The following BICDL1 variants were observed in gnomAD, a reference collection of about 807,000 sequenced individuals.
BICDL1 encodes BICD family like cargo adaptor 1, also known as BICD family-like cargo adapter 1.
BICDL1 carries 20 observed loss-of-function variants against 76.8 expected under a neutral mutation model. The observed-to-expected ratio is 0.26, with a 90% CI of 0.18 to 0.38. The LOEUF (loss-of-function observed/expected upper bound fraction) is 0.38, where lower values mean the gene tolerates loss of function less well. Among genes scored for constraint, BICDL1 ranks in the 10% least tolerant of loss-of-function variants. BICDL1 has a pLI of 1.00. For synonymous variants in BICDL1, 383 were observed against 337.1 expected, an observed-to-expected ratio of 1.14 and a Z score of -1.49; for missense variants, 700 against 798.6, an observed-to-expected ratio of 0.88 and a Z score of 1.49.
Position 119,990,240 on chromosome 12 carries a change from C to T in BICDL1, c.372C>T (p.Asn124=), listed in dbSNP as rs1951488745. 1.9e-6 allele frequency: 3 copies of T among 1,577,678 alleles called. No individual in the cohort carries two copies. The highest frequency in any genetic ancestry group is 1.4e-5 in the African/African-American group (1 of 74,066). ...ARLGKALLER[N]QDMSRQYEQM... ...TGGGTAAGGCGCTGCTCGAGAGGAACCAGGACATGAGCCGGCAGTACGAGC... is the reference window on the plus strand; with the variant it reads ...TGGGTAAGGCGCTGCTCGAGAGGAATCAGGACATGAGCCGGCAGTACGAGC... The change falls in exon 1 of 10, where the codon AAC becomes AAT. Residue 124 remains asparagine, a synonymous_variant. Coordinates refer to ENST00000548673, the MANE Select transcript of BICDL1 (RefSeq NM_001367886.1).
At chr12:120,033,575 G>T (rs947993353) in intron 2 of BICDL1, among the ~76,000 whole-genome samples, 1 of 151,636 alleles carries the variant, frequency 6.6e-6, no homozygotes, top group East Asian at 1.9e-4. Flanking sequence ...TAGAGACAGG[G>T]TTTCACCGTG....
chr12:120,010,544 A>G (rs1054105190), intron 2 of BICDL1, among the ~76,000 whole-genome samples: 1 of 152,206 alleles, frequency 6.6e-6, no homozygotes, highest in Non-Finnish European at 1.5e-5. Context: ...ATTGGTTTCA[A>G]TCAGCGGTTC....
Position 119,990,111 on chromosome 12 carries a change from G to T in BICDL1, c.243G>T (p.Gly81=), listed in dbSNP as rs1046134059. The change falls in exon 1 of 10, where the codon GGG becomes GGT. Residue 81 remains glycine (G), a synonymous_variant. Transcript: ENST00000548673. ...GGGAACACCCTCAGGCCGAGCCTGG[G>T]TCTCTGGCCGAGGGGGCCGGACCGC... The part of the protein sequence containing the change: ...DPGEHPQAEP[G]SLAEGAGPQP... 2 of 1,549,584 alleles carry T rather than the reference G, an allele frequency of 1.3e-6. No individual in the cohort carries two copies. Among genetic ancestry groups the T allele is most frequent in the Admixed American group, 3.9e-5 (2 of 50,924 alleles).
chr12:120,064,585 A>G (rs1193376052), intron 3 of BICDL1, 148 bp from the exon 4 acceptor site: 1 of 692,174 alleles, frequency 1.4e-6, no homozygotes. Flanking sequence ...TTAGGGTTTC[A>G]TAGCTATTCT....
chr12:120,061,678 C>T (rs1264670109), intron 2 of BICDL1, 32 bp from the exon 3 acceptor site: 8 of 1,455,798 alleles, frequency 5.5e-6, no homozygotes, highest in South Asian at 1.1e-5. Context: ...GCATAACCTC[C>T]GAATCAGCTC....
At chr12:120,028,703 A>G (rs12310591) in intron 2 of BICDL1, among the ~76,000 whole-genome samples, 32 of 151,804 alleles carry the variant, frequency 2.1e-4, no homozygotes, top group Non-Finnish European at 3.2e-4. Flanking sequence ...AGATAAAAAG[A>G]TATTGAAAAT....
chr12:120,064,167 C>CT (rs1462525568), intron 3 of BICDL1, among the ~76,000 whole-genome samples: 2 of 152,172 alleles, frequency 1.3e-5, no homozygotes, highest in Non-Finnish European at 2.9e-5. Flanking sequence ...GCAGGCACTA[C>CT]TTTGTTTTCT....
At chr12:119,995,995 A>G (rs542522676) in intron 1 of BICDL1, among the ~76,000 whole-genome samples, 69 of 152,244 alleles carry the variant, frequency 4.5e-4, no homozygotes, top group Non-Finnish European at 8.5e-4. Context: ...CAAAAAAAAA[A>G]AAAAAATTCT....
At chr12:120,042,736 C>T (rs772525591) in intron 2 of BICDL1, among the ~76,000 whole-genome samples, 3 of 150,088 alleles carry the variant, frequency 2.0e-5, no homozygotes, top group Non-Finnish European at 3.0e-5. Flanking sequence ...ACCCGGGAGG[C>T]GAAGGTTGCA....
Position 120,080,721 on chromosome 12 carries a change from A to G in BICDL1, c.1453-166A>G, listed in dbSNP as rs146465793. 8.6e-5 allele frequency: 52 copies of G among 601,956 alleles called. 1 individual carries two copies. In the African/African-American group the frequency reaches 9.2e-4, roughly 11 times the overall value. 37.3% of individuals were successfully genotyped at this position (601,956 alleles called of 1,614,324 possible). On this transcript the variant is annotated intron_variant, in intron 7 of 9. Coordinates refer to ENST00000548673, the MANE Select transcript of BICDL1 (RefSeq NM_001367886.1). ...CATGTGATGTGGTACCCTTTCTTCA[A>G]GAGAGACAGGCCCTCTCTTGAAGCA... is the stretch of plus-strand genomic sequence containing the variant.
intron 3 of BICDL1, 34 bp from the exon 4 acceptor site, chr12:120,064,699 T>A: frequency 6.3e-7 from 1 of 1,575,464 alleles, no homozygotes; most frequent in Non-Finnish European, 8.6e-7. Flanking sequence ...CGGGTGTAAC[T>A]CCACACCACC....
intron 6 of BICDL1, 134 bp downstream of exon 6, chr12:120,072,863 T>C: frequency 2.6e-6 from 2 of 779,030 alleles, no homozygotes; most frequent in Non-Finnish European, 4.1e-6. Flanking sequence ...TCTGAGCCCT[T>C]ATTGGTTGTT....
intron 2 of BICDL1, among the ~76,000 whole-genome samples, chr12:120,060,396 T>C (rs1953078711): frequency 6.6e-6 from 1 of 152,192 alleles, no homozygotes; most frequent in African/African-American, 2.4e-5. Context: ...ATTCCTTGCA[T>C]CATAAAGCCA....
chr12:120,016,663 G>A (rs763029041), intron 2 of BICDL1, among the ~76,000 whole-genome samples: 6 of 151,780 alleles, frequency 4.0e-5, no homozygotes, highest in Non-Finnish European at 4.4e-5. Context: ...CAAGCAGTTT[G>A]TCCATCTTAG....
chr12:120,088,961 G>A (rs1283968489), intron 8 of BICDL1, among the ~76,000 whole-genome samples: 2 of 152,228 alleles, frequency 1.3e-5, no homozygotes, highest in Admixed American at 1.3e-4. Flanking sequence ...ACCGCACCCG[G>A]CCTACTTTAT....
chr12:120,071,712 C>A lies in BICDL1; in HGVS notation c.1000C>A (p.Leu334Met). 1 of 1,612,402 alleles carries A rather than the reference C, an allele frequency of 6.2e-7. No homozygotes were observed. Among genetic ancestry groups the A allele is most frequent in the Non-Finnish European group, 8.5e-7 (1 of 1,179,858 alleles). ...GGAAGAACTCACTGAGGAGAGGAGT[C>A]TGCAGAGCTCTGCCGCCACCAGCAC... Reference protein sequence around the residue: ...KVEELTEERSLQSSAATSTSL... With the variant: ...KVEELTEERSMQSSAATSTSL... Residue 334 changes from leucine (L) to methionine (M), a missense_variant, in exon 5 of 10, where the codon CTG becomes ATG. By Grantham distance (15) the Leu-to-Met change is conservative. Coordinates refer to ENST00000548673, the MANE Select transcript of BICDL1 (RefSeq NM_001367886.1). This position sits in a 1 kb window ranked among gnomAD's most constrained non-coding sequence, Gnocchi z 4.8.
intron 2 of BICDL1, among the ~76,000 whole-genome samples, chr12:120,013,397 G>GTT (rs1951994784): frequency 6.6e-6 from 1 of 150,590 alleles, no homozygotes; most frequent in Non-Finnish European, 1.5e-5. Flanking sequence ...CTCCTGCTAG[G>GTT]TTTTAGACAC....
rs1370424325 is a variant in BICDL1 at position 119,989,665 on chromosome 12, G to C, written c.-204G>C. On this transcript the variant is annotated 5_prime_UTR_variant, in exon 1 of 10. Coordinates refer to ENST00000548673, the MANE Select transcript of BICDL1 (RefSeq NM_001367886.1). ...CGCGCGCCTGAGCAGCTGAGCCCGG[G>C]GGCGGGGGAGGGGGCGCGTGCCGCC... 6.8e-6 allele frequency among the ~76,000 whole-genome samples: 1 copy of C among 148,014 alleles called. No individual in the cohort carries two copies. The highest frequency in any genetic ancestry group is 2.4e-5 in the African/African-American group (1 of 40,866).
chr12:120,081,151 AC>A (rs1223629208), intron 8 of BICDL1, 134 bp downstream of exon 8: 1 of 522,706 alleles, frequency 1.9e-6, no homozygotes, highest in South Asian at 2.0e-5. Flanking sequence ...ACCCACCCCC[AC>A]CCCCACCCCC....
Sources: allele counts gnomAD v4.1 joint callset (sites outside exome capture counted in the v4.1 genomes callset), GRCh38; gene constraint gnomAD v4.1.1; non-coding constraint Gnocchi (gnomAD v3.1); transcripts MANE v1.5; gene names NCBI Gene and HGNC (gene_info 2026-07-23, HGNC 2026-07-21).